The following PTPN6 variants were observed in gnomAD, a reference collection of about 807,000 sequenced individuals.
PTPN6 encodes the protein tyrosine-protein phosphatase non-receptor type 6.
In PTPN6, 18 loss-of-function variants were observed where a neutral mutation model predicts 81.5. The ratio of observed to expected loss-of-function variants is 0.22; its 90% CI spans 0.15 to 0.33. PTPN6 has a LOEUF of 0.33. Among genes scored for constraint, PTPN6 ranks in the 10% least tolerant of loss-of-function variants. PTPN6 has a pLI of 1.00. For missense variants in PTPN6, 500 were observed against 794.2 expected (o/e 0.63, Z 4.45); for synonymous variants, 301 against 310.9 (o/e 0.97, Z 0.33).
In PTPN6 at chr12:6,951,753, C is replaced by T. The variant is rs1555147794; in HGVS notation, c.131+22C>T. ...TCAGGTAGGTGGGCCCCCCGCAACCCCGGGCATTTTGGCCACTCTCTTGTG... is the reference window on the plus strand; with the variant it reads ...TCAGGTAGGTGGGCCCCCCGCAACCTCGGGCATTTTGGCCACTCTCTTGTG... On this transcript the variant is annotated intron_variant, in intron 2 of 15. Coordinates refer to ENST00000318974, the MANE Select transcript of PTPN6 (RefSeq NM_002831.6). The surrounding 1 kb of genome is among the most constrained non-coding windows in gnomAD (Gnocchi z 7.2). 1 of 1,609,334 alleles carries T rather than the reference C, an allele frequency of 6.2e-7. No homozygotes were observed. Among genetic ancestry groups the T allele is most frequent in the East Asian group, 2.2e-5 (1 of 44,876 alleles).
Position 6,956,596 on chromosome 12 carries a change from G to A in PTPN6, c.1074+28G>A, listed in dbSNP as rs782659171. On this transcript the variant is annotated intron_variant, in intron 9 of 15. Transcript: ENST00000318974. The surrounding 1 kb of genome is among the most constrained non-coding windows in gnomAD (Gnocchi z 4.1). ...AGGGCGCCCCCCCTTCCCCGCATCC[G>A]CCCCCGTGCTTGTGGTCATGCCATT... 31 of 1,612,176 alleles carry A rather than the reference G, an allele frequency of 1.9e-5. No individual in the cohort carries two copies. The highest frequency in any genetic ancestry group is 1.1e-4 in the African/African-American group (8 of 74,804).
In PTPN6 at chr12:6,957,852, G is replaced by A. The variant is rs946904566; in HGVS notation, c.1206+67G>A. 14 of 1,613,858 alleles carry A rather than the reference G, an allele frequency of 8.7e-6. No individual in the cohort carries two copies. The highest frequency in any genetic ancestry group is 1.6e-4 in the Middle Eastern group (1 of 6,084). ...CCTGGACTTGTTCTCCTCTCTGGTC[G>A]GGTAGGGTGAGATGGATGAGGTGTT... On this transcript the variant is annotated intron_variant, in intron 10 of 15. Coordinates refer to ENST00000318974, the MANE Select transcript of PTPN6 (RefSeq NM_002831.6). This position sits in a 1 kb window ranked among gnomAD's most constrained non-coding sequence, Gnocchi z 6.5.
Position 6,961,037 on chromosome 12 carries a change from A to T in PTPN6, c.*26-89A>T, listed in dbSNP as rs1946131132. ...GGGTGGATGGGGTGGCCGCAGCCTCATTCTGTGCTTCCCAGCTGCCCCAGA... is the reference window on the plus strand; with the variant it reads ...GGGTGGATGGGGTGGCCGCAGCCTCTTTCTGTGCTTCCCAGCTGCCCCAGA... On this transcript the variant is annotated intron_variant, in intron 15 of 15. Transcript: ENST00000318974. The T allele has an allele frequency of 3.3e-6, 5 of 1,527,704 alleles. No individual in the cohort carries two copies. In the South Asian group the frequency reaches 6.0e-5, roughly 18 times the overall value. The allele number at this position is 1,527,704 out of a possible 1,614,324, so 94.6% of individuals were successfully genotyped here.
At position 6,954,713 on chromosome 12, in the gene PTPN6, T is replaced by C; in HGVS notation, c.327-92T>C. 1 of 1,295,342 alleles carries C rather than the reference T, an allele frequency of 7.7e-7. No individual in the cohort carries two copies. Among genetic ancestry groups the C allele is most frequent in the Non-Finnish European group, 1.1e-6 (1 of 923,860 alleles). 80.2% of individuals were successfully genotyped at this position (1,295,342 alleles called of 1,614,324 possible). A position where few individuals can be genotyped will look rare whatever the true frequency, so the allele number is the denominator to read the frequency against. On this transcript the variant is annotated intron_variant, in intron 3 of 15. Transcript: ENST00000318974. The surrounding 1 kb of genome is among the most constrained non-coding windows in gnomAD (Gnocchi z 5.4). ...AGCGCAGTGCCTGGCACACAGTAGG[T>C]GCTTGATTTCCGGCCCCTCTCTGTG...
Position 6,955,665 on chromosome 12 carries a change from G to A in PTPN6, c.753G>A (p.Leu251=). Residue 251 remains leucine, a synonymous_variant, in exon 7 of 16, where the codon TTG becomes TTA. Coordinates refer to ENST00000318974, the MANE Select transcript of PTPN6 (RefSeq NM_002831.6). This position sits in a 1 kb window ranked among gnomAD's most constrained non-coding sequence, Gnocchi z 7.2. ...TTTCCCCACCCACATCTCAGAGTTT[G>A]CAGAAGCAGGAGGTGAAGAACTTGC... ...KAGFWEEFES[L]QKQEVKNLHQ... 2 of 1,613,890 alleles carry A rather than the reference G, an allele frequency of 1.2e-6. No homozygotes were observed. Among genetic ancestry groups the A allele is most frequent in the Non-Finnish European group, 1.7e-6 (2 of 1,179,908 alleles).
At chr12:6,946,591 CA>C (rs1945820802), upstream of PTPN6, 1 of 736,058 alleles carries the variant, frequency 1.4e-6, no homozygotes, top group East Asian at 2.7e-5. Flanking sequence ...GCCTGGCAGG[CA>C]GGATCGAGGA....
At position 6,954,976 on chromosome 12, in the gene PTPN6, C is replaced by T; in HGVS notation, c.498C>T (p.His166=). Residue 166 remains histidine, a synonymous_variant, in exon 4 of 16, where the codon CAC becomes CAT. Coordinates refer to ENST00000318974, the MANE Select transcript of PTPN6 (RefSeq NM_002831.6). This position sits in a 1 kb window ranked among gnomAD's most constrained non-coding sequence, Gnocchi z 5.4. The part of the protein sequence containing the change: ...AGPGSPLRVT[H]IKVMCEGGRY... The stretch of plus-strand genomic sequence containing the variant: ...CAGGCTCCCCGCTCAGGGTCACCCA[C>T]ATCAAGGTCATGTGCGAGGTAAGGC... 1 of 1,614,134 alleles carries T rather than the reference C, an allele frequency of 6.2e-7. No homozygotes were observed. The highest frequency in any genetic ancestry group is 8.5e-7 in the Non-Finnish European group (1 of 1,180,034).
intron 11 of PTPN6, among the ~76,000 whole-genome samples, chr12:6,958,827 T>G (rs1315110879): frequency 6.6e-6 from 1 of 152,220 alleles, no homozygotes; most frequent in Non-Finnish European, 1.5e-5. Flanking sequence ...GACAAATTAC[T>G]TAACTTTTCT....
Position 6,952,349 on chromosome 12 carries a change from T to G in PTPN6, c.326+172T>G. The G allele has an allele frequency of 1.3e-6, 1 of 758,994 alleles. No homozygotes were observed. The highest frequency in any genetic ancestry group is 2.2e-6 in the Non-Finnish European group (1 of 461,760). The allele number at this position is 758,994 out of a possible 1,614,324, so 47.0% of individuals were successfully genotyped here. ...TCCTCCCTGCTGTCCTGGGACCTGG[T>G]GTCTCAGAGCCTAACCTACCACCCT... On this transcript the variant is annotated intron_variant, in intron 3 of 15. Coordinates refer to ENST00000318974, the MANE Select transcript of PTPN6 (RefSeq NM_002831.6). This position sits in a 1 kb window ranked among gnomAD's most constrained non-coding sequence, Gnocchi z 8.1.
chr12:6,955,797 C>T lies in PTPN6; in HGVS notation c.844+41C>T, dbSNP rs1368824914. On this transcript the variant is annotated intron_variant, in intron 7 of 15. Transcript: ENST00000318974. The surrounding 1 kb of genome is among the most constrained non-coding windows in gnomAD (Gnocchi z 7.2). The stretch of plus-strand genomic sequence containing the variant: ...GCCCCATTCACCCAGGATACCGCCC[C>T]TGCCCCAGCTGCCTCCCCTCATCTC... The T allele has an allele frequency of 6.5e-7, 1 of 1,550,174 alleles. No homozygotes were observed. The highest frequency in any genetic ancestry group is 8.9e-7 in the Non-Finnish European group (1 of 1,122,780).
In PTPN6 at chr12:6,955,850, G is replaced by GGT; in HGVS notation, c.844+95_844+96insTG. On this transcript the variant is annotated intron_variant, in intron 7 of 15. Coordinates refer to ENST00000318974, the MANE Select transcript of PTPN6 (RefSeq NM_002831.6). This position sits in a 1 kb window ranked among gnomAD's most constrained non-coding sequence, Gnocchi z 7.2. Reference sequence around the variant, plus strand: ...AGGTCTCCACCCTCCACGCCAGGAGGGGCCATCTCCCCACACCCCCCACAG... The same window carrying GGT: ...AGGTCTCCACCCTCCACGCCAGGAGGGTGGCCATCTCCCCACACCCCCCACAG... 9.0e-6 allele frequency: 11 copies of GGT among 1,216,876 alleles called. No individual in the cohort carries two copies. Among genetic ancestry groups the GGT allele is most frequent in the Non-Finnish European group, 1.3e-5 (11 of 829,492 alleles). 75.4% of individuals were successfully genotyped at this position (1,216,876 alleles called of 1,614,324 possible). A position where few individuals can be genotyped will look rare whatever the true frequency, so the allele number is the denominator to read the frequency against.
Position 6,960,379 on chromosome 12 carries a change from C to T in PTPN6, c.1617C>T (p.Ile539=), listed in dbSNP as rs781826824. Residue 539 remains isoleucine (I), a synonymous_variant, in exon 14 of 16, where the codon ATC becomes ATT. Coordinates refer to ENST00000318974, the MANE Select transcript of PTPN6 (RefSeq NM_002831.6). The surrounding 1 kb of genome is among the most constrained non-coding windows in gnomAD (Gnocchi z 6.1). ...QKGQESEYGN[I]TYPPAMKNAH... is the part of the protein sequence containing the mutation. ...GCCAGGAGTCGGAGTACGGGAACAT[C>T]ACCTATCCCCCAGCCATGAAGAATG... 3.0e-5 allele frequency: 49 copies of T among 1,613,608 alleles called. No homozygotes were observed. Among genetic ancestry groups the T allele is most frequent in the Middle Eastern group, 1.6e-4 (1 of 6,084 alleles).
At chr12:6,946,859 T>C (rs1162698636), upstream of PTPN6, 5 of 1,154,800 alleles carry the variant, frequency 4.3e-6, no homozygotes, top group Admixed American at 7.9e-5. Flanking sequence ...GCCCTGCGCC[T>C]GTTTCCGGTC....
rs782121581 is a variant in PTPN6, at chr12:6,951,417, G to A, written c.-96G>A. 9 of 1,565,344 alleles carry A rather than the reference G, an allele frequency of 5.7e-6. No homozygotes were observed. Among genetic ancestry groups the A allele is most frequent in the Non-Finnish European group, 7.8e-6 (9 of 1,155,728 alleles). On this transcript the variant is annotated 5_prime_UTR_variant, in exon 1 of 16. Transcript: ENST00000318974. This position sits in a 1 kb window ranked among gnomAD's most constrained non-coding sequence, Gnocchi z 7.2. ...GTGGTGAGGCGGCCCGGCACTGGGA[G>A]CTGCATCTGAGGCTTAGTCCCTGAG...
Position 6,960,382 on chromosome 12 carries a change from C to G in PTPN6, c.1620C>G (p.Thr540=), listed in dbSNP as rs782649218. 1 of 1,613,784 alleles carries G rather than the reference C, an allele frequency of 6.2e-7. No individual in the cohort carries two copies. The highest frequency in any genetic ancestry group is 8.5e-7 in the Non-Finnish European group (1 of 1,179,998). ...KGQESEYGNI[T]YPPAMKNAHA... ...AGGAGTCGGAGTACGGGAACATCAC[C>G]TATCCCCCAGCCATGAAGAATGCCC... The change falls in exon 14 of 16, where the codon ACC becomes ACG. Residue 540 remains threonine, a synonymous_variant. Coordinates refer to ENST00000318974, the MANE Select transcript of PTPN6 (RefSeq NM_002831.6). The surrounding 1 kb of genome is among the most constrained non-coding windows in gnomAD (Gnocchi z 6.1).
chr12:6,958,643 T>C (rs1798225999), intron 11 of PTPN6, among the ~76,000 whole-genome samples: 3 of 152,096 alleles, frequency 2.0e-5, no homozygotes, highest in Non-Finnish European at 4.4e-5. Flanking sequence ...TGCACATAAC[T>C]CCTCTGTCTA....
intron 15 of PTPN6, 26 bp from the exon 16 acceptor site, chr12:6,961,100 A>C: frequency 4.2e-6 from 5 of 1,180,228 alleles, no homozygotes; most frequent in Non-Finnish European, 5.9e-6. Flanking sequence ...CTACCCTCTC[A>C]CTCCCTCACT....
At position 6,955,596 on chromosome 12, in the gene PTPN6, C is replaced by G. The variant is rs781886724; in HGVS notation, c.748-64C>G. 4.1e-5 allele frequency: 65 copies of G among 1,578,588 alleles called. No individual in the cohort carries two copies. The highest frequency in any genetic ancestry group is 5.5e-5 in the Non-Finnish European group (63 of 1,148,384). On this transcript the variant is annotated intron_variant, in intron 6 of 15. Transcript: ENST00000318974. The surrounding 1 kb of genome is among the most constrained non-coding windows in gnomAD (Gnocchi z 7.2). The stretch of plus-strand genomic sequence containing the variant: ...CCACCTCTGCTCCTGACCCACCCCA[C>G]GTGAGCTCCCCCGATGGATGCCCTC...
In PTPN6 at chr12:6,957,721, A is replaced by G. The variant is rs1484282642; in HGVS notation, c.1142A>G (p.Asn381Ser). The G allele has an allele frequency of 1.2e-6, 2 of 1,614,026 alleles. No individual in the cohort carries two copies. Among genetic ancestry groups the G allele is most frequent in the African/African-American group, 1.3e-5 (1 of 74,938 alleles). Residue 381 changes from asparagine (N) to serine (S), a missense_variant, in exon 10 of 16, where the codon AAC (asparagine) becomes AGC (serine). This residue lies in a region of PTPN6 where 226 missense variants were observed against 364.4 expected (regional missense o/e 0.62). Transcript: ENST00000318974. This position sits in a 1 kb window ranked among gnomAD's most constrained non-coding sequence, Gnocchi z 6.5. ...GCTTATGGGCCCTACTCTGTGACCA[A>G]CTGCGGGGAGCATGACACAACCGAA... Reference protein sequence around the residue: ...QRAYGPYSVTNCGEHDTTEYK... With the variant: ...QRAYGPYSVTSCGEHDTTEYK...
Sources: allele counts gnomAD v4.1 joint callset (sites outside exome capture counted in the v4.1 genomes callset), GRCh38; gene constraint gnomAD v4.1.1; regional missense constraint gnomAD v4.1.1; non-coding constraint Gnocchi (gnomAD v3.1); transcripts MANE v1.5; gene names NCBI Gene and HGNC (gene_info 2026-07-23, HGNC 2026-07-21).